Variants in FAM81A observed in about 807,000 individuals in gnomAD.
The protein encoded by FAM81A is protein FAM81A.
A neutral mutation model predicts 46.7 loss-of-function variants in FAM81A; 19 were observed. That is an observed-to-expected ratio of 0.41 (90% confidence interval 0.28 to 0.60). FAM81A has a LOEUF of 0.60. Ranked by LOEUF, FAM81A falls within the 20% of genes least tolerant of loss-of-function variation. The pLI, the probability that FAM81A is intolerant of heterozygous loss-of-function variation, is 0.34. For missense variants in FAM81A, 377 were observed against 453.5 expected, an observed-to-expected ratio of 0.83 and a Z score of 1.53; for synonymous variants, 183 against 152.9, an observed-to-expected ratio of 1.20 and a Z score of -1.45.
chr15:59,521,129 C>T lies in FAM81A; in HGVS notation c.983-125C>T, dbSNP rs1374814653. ...ACTCACCTGTTCCCCATCATACTTTCATCCCAGAGGTTTTAGCATCTATTA... is the reference window on the plus strand; with the variant it reads ...ACTCACCTGTTCCCCATCATACTTTTATCCCAGAGGTTTTAGCATCTATTA... On this transcript the variant is annotated intron_variant, in intron 8 of 8. Transcript: ENST00000288228. 2.8e-6 allele frequency: 3 copies of T among 1,068,066 alleles called. No individual in the cohort carries two copies. The African/African-American group carries it at 4.9e-5, about 17-fold the overall frequency. The allele number at this position is 1,068,066 out of a possible 1,614,324, so 66.2% of individuals were successfully genotyped here.
At chr15:59,398,769 A>G (rs1225127591) in intron 1 of FAM81A, among the ~76,000 whole-genome samples, 14 of 146,038 alleles carry the variant, frequency 9.6e-5, no homozygotes, top group African/African-American at 3.7e-4. Flanking sequence ...GAAAAAAAAA[A>G]AAAAAAAAAA....
At chr15:59,475,393 T>C (rs562583394) in intron 3 of FAM81A, among the ~76,000 whole-genome samples, 17 of 152,294 alleles carry the variant, frequency 1.1e-4, no homozygotes, top group African/African-American at 4.1e-4. Flanking sequence ...CAACCAGTTA[T>C]GTATGGCCTC....
chr15:59,502,601 C>T (rs1337657303), intron 4 of FAM81A, among the ~76,000 whole-genome samples: 1 of 150,544 alleles, frequency 6.6e-6, no homozygotes, highest in Non-Finnish European at 1.5e-5. Context: ...GCAATCTCTG[C>T]CTCCTGGGTT....
chr15:59,403,378 G>A lies in FAM81A; in HGVS notation c.-78+1020G>A, dbSNP rs536191444. On this transcript the variant is annotated intron_variant, in intron 2 of 4. Transcript: ENST00000558348. ...TTCTTAAAAGAAGAGAGAGACATCCGAGCTCCCCCAACTCCTAAGCATAGA... is the reference window on the plus strand; with the variant it reads ...TTCTTAAAAGAAGAGAGAGACATCCAAGCTCCCCCAACTCCTAAGCATAGA... Among the ~76,000 whole-genome samples, 5 of 152,262 alleles carry A rather than the reference G, an allele frequency of 3.3e-5. No individual in the cohort carries two copies. The East Asian group carries it at 5.8e-4, about 18-fold the overall frequency.
At chr15:59,463,825 T>A (rs533835515) in intron 3 of FAM81A, among the ~76,000 whole-genome samples, 1 of 152,306 alleles carries the variant, frequency 6.6e-6, no homozygotes, top group African/African-American at 2.4e-5. Flanking sequence ...TTTGTTTTTG[T>A]TATTAATTTA....
chr15:59,428,611 A>G (rs1329486699), intron 2 of FAM81A, among the ~76,000 whole-genome samples: 2 of 130,068 alleles, frequency 1.5e-5, no homozygotes, highest in Non-Finnish European at 3.2e-5. Context: ...ACCTAGATCC[A>G]TGTCTACTCC....
intron 6 of FAM81A, among the ~76,000 whole-genome samples, chr15:59,514,057 C>T (rs2082241149): frequency 1.3e-5 from 2 of 150,190 alleles, no homozygotes; most frequent in South Asian, 4.2e-4. Context: ...AGGGGACCAA[C>T]ACATACTGGG....
chr15:59,411,761 C>T (rs775201451), intron 2 of FAM81A, among the ~76,000 whole-genome samples: 5 of 152,056 alleles, frequency 3.3e-5, no homozygotes, highest in Non-Finnish European at 1.5e-5. Flanking sequence ...ACTAAAAATA[C>T]AAAAATTAGC....
chr15:59,423,388 G>A (rs1300975745), intron 2 of FAM81A, among the ~76,000 whole-genome samples: 1 of 152,214 alleles, frequency 6.6e-6, no homozygotes, highest in Non-Finnish European at 1.5e-5. Flanking sequence ...GTGAGCCATC[G>A]CGCCTGGTCT....
rs1231878437 is a variant in FAM81A at position 59,487,958 on chromosome 15, C to CA, written c.295-4311dup. On this transcript the variant is annotated intron_variant, in intron 3 of 8. Transcript: ENST00000288228. The stretch of plus-strand genomic sequence containing the variant: ...AGATGCAAAACAAAAACAAAAACAA[C>CA]AACAAAAAAACAAAAAACCTACAGG... Among the ~76,000 whole-genome samples, 338 of 151,248 alleles carry CA rather than the reference C, an allele frequency of 2.2e-3. 1 individual carries two copies. Among genetic ancestry groups the CA allele is most frequent in the African/African-American group, 3.5e-3 (145 of 41,130 alleles).
chr15:59,411,758 A>C (rs1327004936), intron 2 of FAM81A, among the ~76,000 whole-genome samples: 1 of 152,138 alleles, frequency 6.6e-6, no homozygotes. Context: ...TCTACTAAAA[A>C]TACAAAAATT....
chr15:59,456,509 A>C (rs2081486347), intron 1 of FAM81A, among the ~76,000 whole-genome samples: 1 of 152,106 alleles, frequency 6.6e-6, no homozygotes, highest in Non-Finnish European at 1.5e-5. Flanking sequence ...CCCAGGAAAA[A>C]TCGACCCCTC....
chr15:59,441,457 A>T (rs1043953610), intron 1 of FAM81A, among the ~76,000 whole-genome samples: 17 of 152,258 alleles, frequency 1.1e-4, no homozygotes, highest in African/African-American at 3.1e-4. Context: ...ACTAACTTAA[A>T]TCCAATTGAA....
chr15:59,460,535 T>C lies in FAM81A; in HGVS notation c.294+329T>C, dbSNP rs576021833. The C allele has an allele frequency of 4.5e-5, 18 of 397,272 alleles. No individual in the cohort carries two copies. The highest frequency in any genetic ancestry group is 3.3e-4 in the African/African-American group (16 of 48,596). The allele number at this position is 397,272 out of a possible 1,614,324, so 24.6% of individuals were successfully genotyped here. The stretch of plus-strand genomic sequence containing the variant: ...TTTCACTCTATAATCTTTCATATCT[T>C]TGAAGACAGCTATTAAGTCAATTAC... On this transcript the variant is annotated intron_variant, in intron 3 of 8. Transcript: ENST00000288228. The surrounding 1 kb of genome is among the most constrained non-coding windows in gnomAD (Gnocchi z 4.4).
In FAM81A at chr15:59,475,445, C is replaced by T. The variant is rs548405666; in HGVS notation, c.294+15239C>T. 2.0e-5 allele frequency among the ~76,000 whole-genome samples: 3 copies of T among 152,118 alleles called. No individual in the cohort carries two copies. The South Asian group carries it at 6.2e-4, about 31-fold the overall frequency. Reference sequence around the variant, plus strand: ...ATAGGCATGAGCCACCATGCCTGGCCTAAACATGTTTCTTTAAGATGATTT... The same window carrying T: ...ATAGGCATGAGCCACCATGCCTGGCTTAAACATGTTTCTTTAAGATGATTT... On this transcript the variant is annotated intron_variant, in intron 3 of 8. Coordinates refer to ENST00000288228, the MANE Select transcript of FAM81A (RefSeq NM_152450.3).
At chr15:59,479,282 G>A (rs1283795722) in intron 3 of FAM81A, among the ~76,000 whole-genome samples, 1 of 152,102 alleles carries the variant, frequency 6.6e-6, no homozygotes, top group South Asian at 2.1e-4. Flanking sequence ...GGAGGCCGAG[G>A]CGTGCAGATC....
At chr15:59,439,611 G>C (rs1275048833) in intron 1 of FAM81A, among the ~76,000 whole-genome samples, 2 of 152,176 alleles carry the variant, frequency 1.3e-5, no homozygotes. Context: ...ATTCGAATCT[G>C]ATTTCATCTG....
At chr15:59,461,833 A>G (rs2081554893) in intron 3 of FAM81A, among the ~76,000 whole-genome samples, 1 of 152,134 alleles carries the variant, frequency 6.6e-6, no homozygotes, top group Non-Finnish European at 1.5e-5. Context: ...TGATGTGAAA[A>G]TATGTCTTTA....
chr15:59,516,328 C>G (rs566549429), intron 7 of FAM81A, among the ~76,000 whole-genome samples: 3 of 152,174 alleles, frequency 2.0e-5, no homozygotes, highest in African/African-American at 7.2e-5. Context: ...CAGGGTTTCA[C>G]CATGTTGGCC....
Sources: gnomAD v4.1 joint callset for allele counts (sites outside exome capture counted in the v4.1 genomes callset) on GRCh38, gnomAD v4.1.1 for gene constraint, Gnocchi (gnomAD v3.1) non-coding constraint, MANE v1.5 for transcripts, NCBI Gene and HGNC (gene_info 2026-07-23, HGNC 2026-07-21) for gene names.